The following LTBP1 variants were observed in gnomAD, a reference collection of about 807,000 sequenced individuals.
LTBP1 encodes latent-transforming growth factor beta-binding protein 1.
Under a neutral mutation model 207.6 loss-of-function variants are expected in LTBP1, and 129 were observed. The observed-to-expected ratio is 0.62, with a 90% CI of 0.54 to 0.72. The LOEUF (loss-of-function observed/expected upper bound fraction) is 0.72, where lower values mean the gene tolerates loss of function less well. Among genes scored for constraint, LTBP1 ranks in the 30% least tolerant of loss-of-function variants. The pLI is 0.00. For missense variants in LTBP1, 2,281 were observed against 2,217.2 expected (o/e 1.03, Z -0.58); for synonymous variants, 963 against 833.7 (o/e 1.16, Z -2.67).
intron 5 of LTBP1, among the ~76,000 whole-genome samples, chr2:33,176,709 A>G (rs1189138314): frequency 6.6e-6 from 1 of 152,138 alleles, no homozygotes; most frequent in Non-Finnish European, 1.5e-5. Context: ...CAAGATGTGG[A>G]GATGGCAGGC....
intron 31 of LTBP1, among the ~76,000 whole-genome samples, chr2:33,366,804 G>A (rs964721439): frequency 7.2e-5 from 11 of 152,182 alleles, no homozygotes; most frequent in African/African-American, 1.7e-4. Context: ...CAGATGCCAC[G>A]GGGAGATAAA....
intron 9 of LTBP1, among the ~76,000 whole-genome samples, chr2:33,227,424 G>A (rs1008394796): frequency 3.9e-5 from 6 of 152,252 alleles, no homozygotes; most frequent in East Asian, 1.9e-4. Context: ...TCAGGAATTT[G>A]ACAGTTTAAG....
intron 4 of LTBP1, among the ~76,000 whole-genome samples, chr2:33,120,863 C>A (rs2081066950): frequency 6.6e-6 from 1 of 152,124 alleles, no homozygotes; most frequent in South Asian, 2.1e-4. Flanking sequence ...TAAACATCAT[C>A]TTTATTAAGC....
intron 5 of LTBP1, among the ~76,000 whole-genome samples, chr2:33,171,622 G>A: frequency 6.6e-6 from 1 of 151,692 alleles, no homozygotes; most frequent in Non-Finnish European, 1.5e-5. Context: ...ATCTAGCAAG[G>A]CAGGCCAACA....
At chr2:32,960,305 G>A (rs1331835425) in intron 2 of LTBP1, among the ~76,000 whole-genome samples, 1 of 152,064 alleles carries the variant, frequency 6.6e-6, no homozygotes, top group East Asian at 1.9e-4. Flanking sequence ...GTATTGTCTG[G>A]CATTGCTGCT....
At chr2:33,389,427 T>C in intron 32 of LTBP1, 121 bp downstream of exon 32, 1 of 1,378,136 alleles carries the variant, frequency 7.3e-7, no homozygotes, top group Non-Finnish European at 1.0e-6. Context: ...CCAGACCTGC[T>C]GGTCAGAAAG....
At chr2:33,002,874 C>T (rs553970874) in intron 2 of LTBP1, among the ~76,000 whole-genome samples, 4 of 152,042 alleles carry the variant, frequency 2.6e-5, no homozygotes, top group Non-Finnish European at 5.9e-5. Flanking sequence ...TGTGGGGTTT[C>T]ACTGTGTTGG....
chr2:33,332,547 ATACTT>A (rs915888543), intron 24 of LTBP1, among the ~76,000 whole-genome samples: 1 of 151,556 alleles, frequency 6.6e-6, no homozygotes, highest in African/African-American at 2.4e-5. Context: ...ATGAAATTAT[ATACTT>A]TATTTATTTA....
chr2:32,947,679 C>T lies in LTBP1; in HGVS notation c.355C>T (p.His119Tyr). Residue 119 changes from histidine to tyrosine, a missense_variant, in exon 1 of 34, where the codon CAC becomes TAC. Coordinates refer to ENST00000404816, the MANE Select transcript of LTBP1 (RefSeq NM_206943.4). ...ARPAVPGGQL[H>Y]PNPGGHPAAA... is the part of the protein sequence containing the mutation. The stretch of plus-strand genomic sequence containing the variant: ...TCCCGCGGTCCCCGGCGGGCAGCTC[C>T]ACCCCAATCCCGGCGGCCACCCGGC... The T allele has an allele frequency of 6.7e-7, 1 of 1,486,710 alleles. No individual in the cohort carries two copies. The highest frequency in any genetic ancestry group is 9.0e-7 in the Non-Finnish European group (1 of 1,116,286). The allele number at this position is 1,486,710 out of a possible 1,614,324, so 92.1% of individuals were successfully genotyped here.
chr2:33,143,005 A>G (rs1376048445), intron 5 of LTBP1, among the ~76,000 whole-genome samples: 1 of 152,180 alleles, frequency 6.6e-6, no homozygotes, highest in African/African-American at 2.4e-5. Flanking sequence ...GCCTGGCTCC[A>G]CGGCATTCAC....
At chr2:33,041,922 A>G (rs944650582) in intron 3 of LTBP1, among the ~76,000 whole-genome samples, 5 of 152,200 alleles carry the variant, frequency 3.3e-5, no homozygotes, top group African/African-American at 7.2e-5. Context: ...GATACTACCA[A>G]ACTGTTTGCT....
intron 2 of LTBP1, among the ~76,000 whole-genome samples, chr2:32,978,455 AATG>A (rs1275306360): frequency 6.6e-6 from 1 of 152,114 alleles, no homozygotes; most frequent in Non-Finnish European, 1.5e-5. Flanking sequence ...CACCAATTGA[AATG>A]ATCACATGGT....
chr2:33,369,647 T>A (rs1359040190), intron 31 of LTBP1, among the ~76,000 whole-genome samples: 10 of 152,046 alleles, frequency 6.6e-5, no homozygotes, highest in Admixed American at 6.5e-4. Context: ...AACCTCCACC[T>A]CCCAGGTTCA....
At chr2:33,097,999 C>G (rs958884177) in intron 3 of LTBP1, among the ~76,000 whole-genome samples, 7 of 152,144 alleles carry the variant, frequency 4.6e-5, no homozygotes, top group African/African-American at 2.4e-5. Flanking sequence ...ATGAGTACAT[C>G]AGTTTTTGAT....
intron 15 of LTBP1, among the ~76,000 whole-genome samples, chr2:33,267,419 C>T (rs2093211144): frequency 6.6e-6 from 1 of 152,172 alleles, no homozygotes; most frequent in African/African-American, 2.4e-5. Flanking sequence ...CCCAAGGATC[C>T]TGTGACAAAA....
rs1298925137 is a variant in LTBP1, at chr2:33,117,306, C to A, written c.1033+6555C>A. 2.6e-5 allele frequency among the ~76,000 whole-genome samples: 4 copies of A among 152,134 alleles called. No individual in the cohort carries two copies. The East Asian group carries it at 7.7e-4, about 29-fold the overall frequency. ...TTGAATGTCTTGCTTGTAGCGTTAG[C>A]CTTCAGGCTTCAGTTCAGGCTGACA... On this transcript the variant is annotated intron_variant, in intron 4 of 33. Transcript: ENST00000404816.
chr2:33,354,681 TATACACACACACACAC>T (rs2094831694), intron 26 of LTBP1, among the ~76,000 whole-genome samples: 1 of 109,484 alleles, frequency 9.1e-6, no homozygotes, highest in South Asian at 3.4e-4. Flanking sequence ...AAACTAAAAC[TATACACACACACACAC>T]ACACACACAC....
chr2:33,238,796 C>T (rs2092174304), intron 9 of LTBP1, among the ~76,000 whole-genome samples: 1 of 152,138 alleles, frequency 6.6e-6, no homozygotes, highest in Middle Eastern at 3.2e-3. Context: ...TGTGAAGTTC[C>T]AGTGAGATAC....
chr2:32,961,843 G>C (rs1679166043), intron 2 of LTBP1, among the ~76,000 whole-genome samples: 1 of 152,046 alleles, frequency 6.6e-6, no homozygotes. Context: ...ATACTTGGGA[G>C]GTTGAGGCAG....
Sources: allele counts gnomAD v4.1 joint callset (sites outside exome capture counted in the v4.1 genomes callset), GRCh38; gene constraint gnomAD v4.1.1; transcripts MANE v1.5; gene names NCBI Gene and HGNC (gene_info 2026-07-23, HGNC 2026-07-21).